Variants in XRCC5 observed in about 807,000 individuals in gnomAD.
XRCC5 encodes DNA repair protein Ku80.
A neutral mutation model predicts 95.7 loss-of-function variants in XRCC5; 12 were observed. That is an observed-to-expected ratio of 0.13 (90% CI 0.08 to 0.20). The LOEUF is 0.20. XRCC5 is among the 10% of genes least tolerant of loss of function. The pLI is 1.00. For missense variants in XRCC5, 595 were observed against 873.9 expected, an observed-to-expected ratio of 0.68 and a Z score of 4.02; for synonymous variants, 281 against 290.3, an observed-to-expected ratio of 0.97 and a Z score of 0.33.
In XRCC5 at chr2:216,162,012, G is replaced by C; in HGVS notation, c.1798G>C (p.Val600Leu). The change falls in exon 16 of 21, where the codon GTT (valine) becomes CTT (leucine). Residue 600 changes from valine to leucine, a missense_variant. This residue lies in a region of XRCC5 where 309 missense variants were observed against 382.9 expected (regional missense o/e 0.81). Transcript: ENST00000392132. ...GSVNPAENFR[V>L]LVKQKKASFE... ...TGTGAATCCTGCTGAAAACTTCCGT[G>C]TTCTAGTGAAACAGAAGAAGGCCAG... The C allele has an allele frequency of 1.2e-6, 2 of 1,614,172 alleles. No individual in the cohort carries two copies. The highest frequency in any genetic ancestry group is 1.7e-6 in the Non-Finnish European group (2 of 1,180,022).
At chr2:216,134,279 C>T (rs1378105377) in intron 10 of XRCC5, among the ~76,000 whole-genome samples, 1 of 152,140 alleles carries the variant, frequency 6.6e-6, no homozygotes, top group Middle Eastern at 3.2e-3. Context: ...AGAATCTATA[C>T]TTTCATGTGC....
chr2:216,166,480 G>A (rs1314667260), intron 16 of XRCC5, among the ~76,000 whole-genome samples: 1 of 152,084 alleles, frequency 6.6e-6, no homozygotes, highest in East Asian at 1.9e-4. Context: ...TATGAAAGTA[G>A]GGTTGTTTCC....
rs185556861 is a variant in XRCC5, at chr2:216,176,844, A to G, written c.1835-13381A>G. Among the ~76,000 whole-genome samples the G allele has an allele frequency of 4.2e-4, 64 of 152,346 alleles. 1 individual carries two copies. Among genetic ancestry groups the G allele is most frequent in the Middle Eastern group, 3.4e-3 (1 of 294 alleles). On this transcript the variant is annotated intron_variant, in intron 16 of 20. Transcript: ENST00000392132. ...TTCTAATATAGGCATTTAAAGCTAT[A>G]CATTTCCTGCTAAGCAGTTTTTTAG... is the stretch of plus-strand genomic sequence containing the variant.
chr2:216,186,322 A>G (rs768111889), intron 16 of XRCC5, among the ~76,000 whole-genome samples: 3 of 152,216 alleles, frequency 2.0e-5, no homozygotes, highest in Non-Finnish European at 2.9e-5. Context: ...AGTCCATTTT[A>G]TAGGACTTTG....
At chr2:216,175,095 A>G (rs1689248367) in intron 16 of XRCC5, 3 of 315,554 alleles carry the variant, frequency 9.5e-6, no homozygotes, top group Non-Finnish European at 1.9e-5. Flanking sequence ...TTCCTCCTTC[A>G]TTGTAACCAT....
At chr2:216,116,395 A>G (rs1164910838) in intron 2 of XRCC5, among the ~76,000 whole-genome samples, 3 of 152,208 alleles carry the variant, frequency 2.0e-5, no homozygotes, top group Non-Finnish European at 4.4e-5. Flanking sequence ...GCTGGAAATC[A>G]TCAAGAACAC....
chr2:216,127,646 T>C lies in XRCC5; in HGVS notation c.909T>C (p.Thr303=). Reference sequence around the variant, plus strand: ...ATTGCTTAAATGATGATGATGAAACTGAAGTTTTAAAAGAGGATATTATTC... The same window carrying C: ...ATTGCTTAAATGATGATGATGAAACCGAAGTTTTAAAAGAGGATATTATTC... ...TVYCLNDDDE[T]EVLKEDIIQG... The change falls in exon 8 of 21, where the codon ACT becomes ACC. Residue 303 remains threonine (T), a synonymous_variant. Coordinates refer to ENST00000392132, the MANE Select transcript of XRCC5 (RefSeq NM_021141.4). 6.2e-7 allele frequency: 1 copy of C among 1,606,216 alleles called. No homozygotes were observed. Among genetic ancestry groups the C allele is most frequent in the Non-Finnish European group, 8.5e-7 (1 of 1,177,872 alleles).
intron 16 of XRCC5, among the ~76,000 whole-genome samples, chr2:216,182,157 G>T (rs888338765): frequency 1.3e-5 from 2 of 152,146 alleles, no homozygotes; most frequent in South Asian, 4.1e-4. Flanking sequence ...AACAATGGCT[G>T]CCTGTTTCTC....
At chr2:216,120,927 G>C (rs1220267584) in intron 5 of XRCC5, among the ~76,000 whole-genome samples, 3 of 152,070 alleles carry the variant, frequency 2.0e-5, no homozygotes, top group Non-Finnish European at 4.4e-5. Context: ...GTAGAGATGG[G>C]GTTTTACCAT....
At chr2:216,156,759 G>T in intron 14 of XRCC5, 1 of 532,136 alleles carries the variant, frequency 1.9e-6, no homozygotes, top group Non-Finnish European at 3.8e-6. Context: ...CTGCTCCATT[G>T]GAACAAAGTC....
chr2:216,171,540 C>T (rs1251602529), intron 16 of XRCC5, among the ~76,000 whole-genome samples: 1 of 152,014 alleles, frequency 6.6e-6, no homozygotes, highest in African/African-American at 2.4e-5. Context: ...TTTTATTTTC[C>T]TCTGTCAGAT....
At chr2:216,123,255 A>G (rs1696846612) in intron 6 of XRCC5, among the ~76,000 whole-genome samples, 1 of 152,144 alleles carries the variant, frequency 6.6e-6, no homozygotes, top group Admixed American at 6.5e-5. Flanking sequence ...CATTTTTAAT[A>G]TTTCTGATGA....
At chr2:216,126,307 C>T (rs200362796) in intron 7 of XRCC5, among the ~76,000 whole-genome samples, 2 of 151,908 alleles carry the variant, frequency 1.3e-5, no homozygotes, top group East Asian at 3.9e-4. Context: ...AGGCCTGTCT[C>T]TTTTTTTTAA....
chr2:216,189,306 G>C (rs141786170), intron 16 of XRCC5, among the ~76,000 whole-genome samples: 3 of 152,354 alleles, frequency 2.0e-5, no homozygotes, highest in Non-Finnish European at 4.4e-5. Context: ...AACAGCCACA[G>C]CTAGTGAATG....
At position 216,161,910 on chromosome 2, in the gene XRCC5, T is replaced by A. The variant is rs1688959490; in HGVS notation, c.1765-69T>A. 8.3e-6 allele frequency: 11 copies of A among 1,320,902 alleles called. No individual in the cohort carries two copies. In the Admixed American group the frequency reaches 1.7e-4, roughly 20 times the overall value. 81.8% of individuals were successfully genotyped at this position (1,320,902 alleles called of 1,614,324 possible). ...AGCACACTTATTACATTAAGCCATC[T>A]TGTATTGCCTGGGGTGCTGCTAAAA... On this transcript the variant is annotated intron_variant, in intron 15 of 20. Coordinates refer to ENST00000392132, the MANE Select transcript of XRCC5 (RefSeq NM_021141.4).
At chr2:216,127,816 C>T in intron 8 of XRCC5, 142 bp downstream of exon 8, 1 of 939,110 alleles carries the variant, frequency 1.1e-6, no homozygotes, top group African/African-American at 1.7e-5. Flanking sequence ...GATAATGAGA[C>T]CCTAGGTCCT....
At chr2:216,177,681 G>A (rs1689304672) in intron 16 of XRCC5, among the ~76,000 whole-genome samples, 1 of 152,092 alleles carries the variant, frequency 6.6e-6, no homozygotes, top group Non-Finnish European at 1.5e-5. Flanking sequence ...TTAGTTCAAT[G>A]TTTATAGATT....
In XRCC5 at chr2:216,191,765, A is replaced by G. The variant is rs553645965; in HGVS notation, c.1945-874A>G. 2.2e-4 allele frequency among the ~76,000 whole-genome samples: 33 copies of G among 152,318 alleles called. 1 individual carries two copies. The highest frequency in any genetic ancestry group is 7.2e-4 in the African/African-American group (30 of 41,574). On this transcript the variant is annotated intron_variant, in intron 17 of 20. Transcript: ENST00000392132. ...TAAGTTTTATGGAACAATTAGGAAA[A>G]TGAGAATACTGGCTAGTTATTTGGT...
rs879938274 is a variant in XRCC5 at position 216,135,114 on chromosome 2, TG to T, written c.1114-1973del. Among the ~76,000 whole-genome samples the T allele has an allele frequency of 7.8e-3, 1,190 of 152,238 alleles. 45 individuals are homozygous for T. Among genetic ancestry groups the T allele is most frequent in the Admixed American group, 0.066 (1,008 of 15,290 alleles). The stretch of plus-strand genomic sequence containing the variant: ...TAGTTTTTTTGTTTGTTTGTTTGTT[TG>T]TTTTGTTTTTACAACAGCATGGCTG... On this transcript the variant is annotated intron_variant, in intron 10 of 20. Transcript: ENST00000392132.
Sources: allele counts gnomAD v4.1 joint callset (sites outside exome capture counted in the v4.1 genomes callset), GRCh38; gene constraint gnomAD v4.1.1; regional missense constraint gnomAD v4.1.1; transcripts MANE v1.5; gene names NCBI Gene and HGNC (gene_info 2026-07-23, HGNC 2026-07-21).